Variants in SNX7 observed in about 807,000 individuals in gnomAD.
The protein encoded by SNX7 is sorting nexin-7.
A neutral mutation model predicts 48.4 loss-of-function variants in SNX7; 35 were observed. The observed-to-expected ratio is 0.72, with a 90% CI of 0.55 to 0.96. The LOEUF is 0.96. Ranked by LOEUF, SNX7 falls within the 40% of genes least tolerant of loss-of-function variation. The pLI, the probability that SNX7 is intolerant of heterozygous loss-of-function variation, is 0.00. For synonymous variants in SNX7, 190 were observed against 190.2 expected (o/e 1.00, Z 0.01); for missense variants, 553 against 548.9 (o/e 1.01, Z -0.07).
At chr1:98,699,498 G>A (rs1319044186) in intron 6 of SNX7, among the ~76,000 whole-genome samples, 2 of 152,102 alleles carry the variant, frequency 1.3e-5, no homozygotes, top group Non-Finnish European at 2.9e-5. Context: ...TATCTGCAAA[G>A]CTAATATTTT....
At chr1:98,716,274 A>T (rs1327101233) in intron 7 of SNX7, among the ~76,000 whole-genome samples, 1 of 151,992 alleles carries the variant, frequency 6.6e-6, no homozygotes, top group African/African-American at 2.4e-5. Context: ...TCCTATCCCC[A>T]TATGGTGCCC....
intron 7 of SNX7, among the ~76,000 whole-genome samples, chr1:98,706,281 TA>T (rs1165309748): frequency 2.0e-5 from 3 of 152,082 alleles, no homozygotes; most frequent in Admixed American, 6.6e-5. Context: ...AATTTAGGAT[TA>T]GGGGTCAGTA....
intron 7 of SNX7, among the ~76,000 whole-genome samples, chr1:98,714,191 A>G (rs1652466513): frequency 6.6e-6 from 1 of 152,182 alleles, no homozygotes; most frequent in South Asian, 2.1e-4. Flanking sequence ...TGGCTATTCA[A>G]CTTTCAGAGA....
intron 8 of SNX7, among the ~76,000 whole-genome samples, 185 bp downstream of exon 8, chr1:98,738,574 A>G (rs912657610): frequency 6.6e-6 from 1 of 152,056 alleles, no homozygotes; most frequent in African/African-American, 2.4e-5. Flanking sequence ...GTTGTTTTGG[A>G]TTTGGATTCT....
At chr1:98,706,083 A>G (rs1651990084) in intron 7 of SNX7, among the ~76,000 whole-genome samples, 1 of 152,164 alleles carries the variant, frequency 6.6e-6, no homozygotes, top group Admixed American at 6.6e-5. Flanking sequence ...TATTCAACAA[A>G]AACTTTTCAG....
At chr1:98,675,404 G>T (rs1178082697) in intron 1 of SNX7, among the ~76,000 whole-genome samples, 4 of 152,052 alleles carry the variant, frequency 2.6e-5, no homozygotes, top group African/African-American at 9.7e-5. Context: ...CTTGGATGTT[G>T]CTAAATTTCA....
chr1:98,758,716 A>T (rs868066697), intron 8 of SNX7, among the ~76,000 whole-genome samples: 25 of 152,140 alleles, frequency 1.6e-4, no homozygotes, highest in African/African-American at 5.8e-4. Flanking sequence ...TTATTGGGTA[A>T]ATTTTACCCA....
intron 8 of SNX7, among the ~76,000 whole-genome samples, chr1:98,754,630 T>A (rs1654753600): frequency 6.6e-6 from 1 of 152,018 alleles, no homozygotes; most frequent in African/African-American, 2.4e-5. Context: ...ATTTTCTTTT[T>A]TCCTTTAGTG....
chr1:98,720,768 T>G (rs1237724365), intron 7 of SNX7, among the ~76,000 whole-genome samples: 1 of 152,166 alleles, frequency 6.6e-6, no homozygotes, highest in East Asian at 1.9e-4. Flanking sequence ...CAGAATGTTC[T>G]ATTTGGCTGG....
At chr1:98,706,639 A>G (rs1382699541) in intron 7 of SNX7, among the ~76,000 whole-genome samples, 1 of 152,174 alleles carries the variant, frequency 6.6e-6, no homozygotes, top group Non-Finnish European at 1.5e-5. Flanking sequence ...GGGATGGAGG[A>G]AAGCCAGAGC....
At chr1:98,733,836 G>T (rs966408346) in intron 7 of SNX7, among the ~76,000 whole-genome samples, 3 of 151,938 alleles carry the variant, frequency 2.0e-5, no homozygotes, top group Non-Finnish European at 4.4e-5. Flanking sequence ...CATTTCAGAT[G>T]AACTGGTTTC....
chr1:98,704,637 G>A (rs1436701112), intron 7 of SNX7, among the ~76,000 whole-genome samples: 1 of 152,054 alleles, frequency 6.6e-6, no homozygotes, highest in Non-Finnish European at 1.5e-5. Context: ...TCCTTCTAAG[G>A]AGCCATCCTT....
chr1:98,735,730 A>T (rs989546194), intron 7 of SNX7, among the ~76,000 whole-genome samples: 1 of 152,136 alleles, frequency 6.6e-6, no homozygotes, highest in Non-Finnish European at 1.5e-5. Context: ...TTTTTATAAG[A>T]ATCCCTATGA....
At chr1:98,699,022 G>C in intron 6 of SNX7, 117 bp downstream of exon 6, 1 of 828,546 alleles carries the variant, frequency 1.2e-6, no homozygotes. Flanking sequence ...AGGTTGTTTT[G>C]CATGTAGATG....
chr1:98,757,074 G>A (rs1468824378), intron 8 of SNX7, among the ~76,000 whole-genome samples: 1 of 152,058 alleles, frequency 6.6e-6, no homozygotes, highest in Non-Finnish European at 1.5e-5. Flanking sequence ...CATGCGGCAT[G>A]CCTGCTACCA....
chr1:98,758,715 A>G (rs11801090), intron 8 of SNX7, among the ~76,000 whole-genome samples: 1 of 152,080 alleles, frequency 6.6e-6, no homozygotes, highest in African/African-American at 2.4e-5. Flanking sequence ...TTTATTGGGT[A>G]AATTTTACCC....
chr1:98,663,229 C>A, intron 1 of SNX7, among the ~76,000 whole-genome samples: 1 of 132,884 alleles, frequency 7.5e-6, no homozygotes, highest in Non-Finnish European at 1.5e-5. Flanking sequence ...AATGGTGTAT[C>A]AGAATCATCA....
intron 8 of SNX7, among the ~76,000 whole-genome samples, chr1:98,747,391 A>G (rs1367521644): frequency 2.0e-5 from 3 of 152,176 alleles, no homozygotes; most frequent in African/African-American, 4.8e-5. Context: ...GCAATTAGAC[A>G]TTGCCAAGAC....
At chr1:98,703,472 G>A (rs972886167) in intron 7 of SNX7, among the ~76,000 whole-genome samples, 1 of 152,046 alleles carries the variant, frequency 6.6e-6, no homozygotes, top group Non-Finnish European at 1.5e-5. Context: ...TGAGTGGGGA[G>A]TGGTGGGCTG....
Sources: gnomAD v4.1 joint callset for allele counts (sites outside exome capture counted in the v4.1 genomes callset) on GRCh38, gnomAD v4.1.1 for gene constraint, MANE v1.5 for transcripts, NCBI Gene and HGNC (gene_info 2026-07-23, HGNC 2026-07-21) for gene names.